Variants in OIT3 observed in about 807,000 individuals in gnomAD.
OIT3 encodes oncoprotein-induced transcript 3 protein.
OIT3 carries 41 observed loss-of-function variants against 52.2 expected under a neutral mutation model. That is an observed-to-expected ratio of 0.79 (90% CI 0.61 to 1.02). The LOEUF (loss-of-function observed/expected upper bound fraction) is 1.02, where lower values mean the gene tolerates loss of function less well. Among genes scored for constraint, OIT3 ranks in the 50% least tolerant of loss-of-function variants. OIT3 has a pLI of 0.00. For synonymous variants in OIT3, 244 were observed against 276.9 expected (o/e 0.88, Z 1.18); for missense variants, 634 against 715.5 (o/e 0.89, Z 1.30).
chr10:72,932,348 C>G lies in OIT3; in HGVS notation c.1468-6C>G. The G allele has an allele frequency of 6.2e-7, 1 of 1,613,982 alleles. No homozygotes were observed. Among genetic ancestry groups the G allele is most frequent in the Non-Finnish European group, 8.5e-7 (1 of 1,179,838 alleles). ...TTTTTATTAACAGTCGTGATCATCTCTTCAGGAAGTGTTTCTGCACTGCCG... is the reference window on the plus strand; with the variant it reads ...TTTTTATTAACAGTCGTGATCATCTGTTCAGGAAGTGTTTCTGCACTGCCG... On this transcript the variant is annotated splice_polypyrimidine_tract_variant and splice_region_variant and intron_variant, in intron 8 of 8. Transcript: ENST00000334011.
At chr10:72,923,700 A>C (rs753775819) in intron 6 of OIT3, among the ~76,000 whole-genome samples, 7 of 152,190 alleles carry the variant, frequency 4.6e-5, no homozygotes, top group Non-Finnish European at 1.0e-4. Context: ...GGGAGATCTC[A>C]CTCATCCAGG....
At chr10:72,899,874 GT>G (rs1027720384) in intron 2 of OIT3, among the ~76,000 whole-genome samples, 19 of 152,218 alleles carry the variant, frequency 1.2e-4, no homozygotes, top group African/African-American at 4.3e-4. Flanking sequence ...TTTAATTTCT[GT>G]GTTATTAATC....
intron 1 of OIT3, among the ~76,000 whole-genome samples, chr10:72,895,644 C>T (rs902251850): frequency 1.3e-5 from 2 of 152,246 alleles, no homozygotes; most frequent in South Asian, 2.1e-4. Flanking sequence ...GATTCAGGGG[C>T]GGCTGTCTGC....
At chr10:72,899,595 CAAA>C (rs57434990) in intron 2 of OIT3, among the ~76,000 whole-genome samples, 938 of 88,950 alleles carry the variant, frequency 0.011, 20 homozygotes, top group African/African-American at 0.025. Flanking sequence ...GACTCTGATT[CAAA>C]AAAAAAAAAA....
chr10:72,924,241 A>G lies in OIT3; in HGVS notation c.964A>G (p.Lys322Glu), dbSNP rs754854359. The change falls in exon 7 of 9, where the codon AAG becomes GAG. Residue 322 changes from lysine to glutamate, a missense_variant. By Grantham distance (56) the Lys-to-Glu change is moderately conservative. Coordinates refer to ENST00000334011, the MANE Select transcript of OIT3 (RefSeq NM_152635.3). Reference protein sequence around the residue: ...CGTVVDVVNDKIVASNLVTGL... With the variant: ...CGTVVDVVNDEIVASNLVTGL... ...TGGCCTGGCTCAGGTGGTGAATGACAAGATTGTGGCCAGCAACCTCGTGAC... is the reference window on the plus strand; with the variant it reads ...TGGCCTGGCTCAGGTGGTGAATGACGAGATTGTGGCCAGCAACCTCGTGAC... The G allele has an allele frequency of 1.3e-6, 2 of 1,594,952 alleles. No individual in the cohort carries two copies. Among genetic ancestry groups the G allele is most frequent in the South Asian group, 1.1e-5 (1 of 89,120 alleles).
chr10:72,901,606 T>TTTTG lies in OIT3; in HGVS notation c.544+1142_544+1145dup, dbSNP rs539825896. ...AAAGGAGCATAAAAGGCTTATTGGT[T>TTTTG]TTTGTTTGTTTGTTTGTTTGTTTTT... On this transcript the variant is annotated intron_variant, in intron 3 of 8. Transcript: ENST00000334011. 2.9e-3 allele frequency among the ~76,000 whole-genome samples: 440 copies of TTTTG among 152,066 alleles called. 1 individual carries two copies. Among genetic ancestry groups the TTTTG allele is most frequent in the Non-Finnish European group, 3.7e-3 (249 of 67,968 alleles).
At chr10:72,915,390 C>T (rs1846063993) in intron 6 of OIT3, among the ~76,000 whole-genome samples, 1 of 152,134 alleles carries the variant, frequency 6.6e-6, no homozygotes, top group Non-Finnish European at 1.5e-5. Flanking sequence ...TTAGGGAATA[C>T]TGAAGCTAAT....
At chr10:72,913,757 C>A in intron 6 of OIT3, 1 of 520,498 alleles carries the variant, frequency 1.9e-6, no homozygotes. Flanking sequence ...GGGAGGCTGG[C>A]TACATCCTCT....
intron 6 of OIT3, among the ~76,000 whole-genome samples, chr10:72,919,371 A>T (rs967762272): frequency 1.3e-5 from 2 of 152,126 alleles, no homozygotes; most frequent in African/African-American, 4.8e-5. Context: ...GGTTTTCTAG[A>T]TATGGAATCT....
intron 3 of OIT3, 63 bp from the exon 4 acceptor site, chr10:72,906,532 CG>C: frequency 6.3e-7 from 1 of 1,594,398 alleles, no homozygotes; most frequent in Non-Finnish European, 8.6e-7. Flanking sequence ...AAATTCTGCC[CG>C]GGGGGTTGGG....
chr10:72,913,540 T>C, intron 6 of OIT3, 72 bp downstream of exon 6: 1 of 1,212,158 alleles, frequency 8.2e-7, no homozygotes, highest in Admixed American at 1.7e-5. Flanking sequence ...GACAGAGGTA[T>C]GCCATGTGGC....
At chr10:72,911,518 G>A (rs1047683095) in intron 4 of OIT3, among the ~76,000 whole-genome samples, 199 bp from the exon 5 acceptor site, 11 of 152,160 alleles carry the variant, frequency 7.2e-5, no homozygotes, top group Admixed American at 7.2e-4. Flanking sequence ...ATTGGGTAGA[G>A]TTATGGATGT....
In OIT3 at chr10:72,898,821, C is replaced by T. The variant is rs1845900029; in HGVS notation, c.219C>T (p.Phe73=). The change falls in exon 2 of 9, where the codon TTC becomes TTT. Residue 73 remains phenylalanine, a synonymous_variant. Transcript: ENST00000334011. The part of the protein sequence containing the change: ...TGMAGDAMPT[F]CIPENHCGTH... ...TGGCGGGAGATGCCATGCCTACCTT[C>T]TGCATACCAGAAAACCACTGTGGAA... is the stretch of plus-strand genomic sequence containing the variant. The T allele has an allele frequency of 1.2e-6, 2 of 1,614,060 alleles. No homozygotes were observed. The highest frequency in any genetic ancestry group is 1.7e-6 in the Non-Finnish European group (2 of 1,180,014).
intron 3 of OIT3, 27 bp downstream of exon 3, chr10:72,900,511 A>G: frequency 8.0e-7 from 1 of 1,257,590 alleles, no homozygotes; most frequent in Non-Finnish European, 1.2e-6. Context: ...AGGTAGAATC[A>G]GGCTATTAGG....
chr10:72,921,200 T>C (rs1256249027), intron 6 of OIT3, among the ~76,000 whole-genome samples: 1 of 152,250 alleles, frequency 6.6e-6, no homozygotes, highest in Non-Finnish European at 1.5e-5. Flanking sequence ...CTTTGATCTT[T>C]GCTAGTTTAA....
intron 6 of OIT3, among the ~76,000 whole-genome samples, chr10:72,920,928 T>C (rs978800374): frequency 5.3e-5 from 8 of 152,214 alleles, no homozygotes; most frequent in African/African-American, 1.9e-4. Context: ...CTTCTGTAGA[T>C]AATTATCAAG....
chr10:72,898,620 T>C, intron 1 of OIT3, 44 bp from the exon 2 acceptor site: 1 of 1,548,672 alleles, frequency 6.5e-7, no homozygotes, highest in East Asian at 2.3e-5. Context: ...GGTGGTGTGA[T>C]CCGAAACACT....
chr10:72,913,764 C>G (rs1479513158), intron 6 of OIT3: 2 of 486,948 alleles, frequency 4.1e-6, no homozygotes, highest in Admixed American at 2.9e-5. Context: ...TGGCTACATC[C>G]TCTCTGACCA....
chr10:72,921,396 A>T (rs1246957854), intron 6 of OIT3, among the ~76,000 whole-genome samples: 1 of 152,170 alleles, frequency 6.6e-6, no homozygotes, highest in Non-Finnish European at 1.5e-5. Context: ...GTGTCTTTTA[A>T]TTGGGGCATT....
Sources: gnomAD v4.1 joint callset for allele counts (sites outside exome capture counted in the v4.1 genomes callset) on GRCh38, gnomAD v4.1.1 for gene constraint, MANE v1.5 for transcripts, NCBI Gene and HGNC (gene_info 2026-07-23, HGNC 2026-07-21) for gene names.